The following UTS2B variants were observed in gnomAD, a reference collection of about 807,000 sequenced individuals.
UTS2B encodes the protein urotensin-2B.
Under a neutral mutation model 19.2 loss-of-function variants are expected in UTS2B, and 21 were observed. The ratio of observed to expected loss-of-function variants is 1.09; its 90% CI spans 0.78 to 1.58. The LOEUF (loss-of-function observed/expected upper bound fraction) is 1.58. Ranked by LOEUF, UTS2B falls within the 40% of genes most tolerant of loss-of-function variation. The pLI, the probability that UTS2B is intolerant of heterozygous loss-of-function variation, is 0.00. For synonymous variants in UTS2B, 57 were observed against 50.2 expected (o/e 1.14, Z -0.58); for missense variants, 138 against 130.3 (o/e 1.06, Z -0.29).
At chr3:191,314,021 G>T (rs544044816) in intron 3 of UTS2B, among the ~76,000 whole-genome samples, 2 of 152,002 alleles carry the variant, frequency 1.3e-5, no homozygotes, top group African/African-American at 4.8e-5. Flanking sequence ...ATGAGCCACC[G>T]CACCAGGCCC....
upstream of UTS2B, among the ~76,000 whole-genome samples, chr3:191,334,485 A>G (rs1290745525): frequency 1.3e-5 from 2 of 152,154 alleles, no homozygotes; most frequent in East Asian, 3.9e-4. Context: ...GAAAGCACTA[A>G]AAACCACTGT....
chr3:191,309,738 C>G (rs116738417), intron 3 of UTS2B, among the ~76,000 whole-genome samples: 236 of 152,146 alleles, frequency 1.6e-3, no homozygotes, highest in Non-Finnish European at 2.4e-3. Flanking sequence ...AATACGAAAG[C>G]ATGTAGCACC....
intron 4 of UTS2B, among the ~76,000 whole-genome samples, chr3:191,287,797 A>G (rs1716597957): frequency 6.6e-6 from 1 of 152,090 alleles, no homozygotes; most frequent in South Asian, 2.1e-4. Flanking sequence ...TATCCAGAAC[A>G]ATTAGAAAAA....
intron 7 of UTS2B, among the ~76,000 whole-genome samples, chr3:191,276,294 T>A (rs1716233728): frequency 6.6e-6 from 1 of 152,160 alleles, no homozygotes; most frequent in South Asian, 2.1e-4. Flanking sequence ...GTTTGCAGAA[T>A]AATGGAATTG....
intron 5 of UTS2B, 116 bp from the exon 6 acceptor site, chr3:191,278,286 G>T: frequency 1.8e-6 from 1 of 568,776 alleles, no homozygotes. Context: ...AATGTAGAGA[G>T]AGTGTATAGT....
chr3:191,321,570 G>A (rs1264631786), intron 2 of UTS2B, among the ~76,000 whole-genome samples: 1 of 152,148 alleles, frequency 6.6e-6, no homozygotes, highest in African/African-American at 2.4e-5. Context: ...TAATGTCTGT[G>A]TTTGCACAAA....
At chr3:191,312,869 T>C (rs1717340996) in intron 3 of UTS2B, among the ~76,000 whole-genome samples, 1 of 152,140 alleles carries the variant, frequency 6.6e-6, no homozygotes, top group African/African-American at 2.4e-5. Flanking sequence ...CTGGGAGTTG[T>C]GAGGGCAGCT....
At chr3:191,316,862 T>A (rs75189033) in intron 2 of UTS2B, among the ~76,000 whole-genome samples, 42,283 of 152,026 alleles carry the variant, frequency 0.28, 6,055 homozygotes, top group African/African-American at 0.32. Context: ...AGCTAGACAC[T>A]GAGTGCTGAT....
rs76051020 is a variant in UTS2B at position 191,290,800 on chromosome 3, A to G, written c.-124-8487T>C. Among the ~76,000 whole-genome samples, 351 of 152,348 alleles carry G rather than the reference A, an allele frequency of 2.3e-3. 4 individuals carry two copies. The highest frequency in any genetic ancestry group is 8.0e-3 in the African/African-American group (334 of 41,584). ...TAGCTTTAAGATTCACTTGCATCTG[A>G]CTATTTCTCACGATGAGTGACAAGA... On this transcript the variant is annotated intron_variant, in intron 4 of 8. Transcript: ENST00000340524.
intron 2 of UTS2B, among the ~76,000 whole-genome samples, chr3:191,318,693 A>G (rs534875831): frequency 6.6e-6 from 1 of 152,090 alleles, no homozygotes; most frequent in East Asian, 1.9e-4. Context: ...CTGGTCTGGA[A>G]CTCCTGAGTT....
upstream of UTS2B, among the ~76,000 whole-genome samples, chr3:191,332,574 G>A (rs895561883): frequency 1.3e-5 from 2 of 152,160 alleles, no homozygotes; most frequent in Non-Finnish European, 1.5e-5. Flanking sequence ...ACTTCAGTAG[G>A]TCTATAACTG....
intron 3 of UTS2B, 25 bp from the exon 4 acceptor site, chr3:191,304,573 G>A (rs1717087844): frequency 6.6e-6 from 1 of 152,156 alleles, no homozygotes; most frequent in Non-Finnish European, 1.5e-5. Context: ...TTTATACAAT[G>A]TGAATATAAT....
intron 4 of UTS2B, among the ~76,000 whole-genome samples, chr3:191,300,132 C>A (rs369443337): frequency 6.6e-6 from 1 of 152,128 alleles, no homozygotes; most frequent in South Asian, 2.1e-4. Context: ...CACGCTGCAA[C>A]CACTGCCTCC....
intron 8 of UTS2B, among the ~76,000 whole-genome samples, chr3:191,270,065 A>G (rs1716045071): frequency 6.6e-6 from 1 of 152,248 alleles, no homozygotes; most frequent in South Asian, 2.1e-4. Context: ...ACAATATATT[A>G]AAAGATTAAA....
intron 2 of UTS2B, among the ~76,000 whole-genome samples, chr3:191,321,049 A>G (rs1280781876): frequency 1.3e-5 from 2 of 152,264 alleles, no homozygotes; most frequent in Admixed American, 1.3e-4. Context: ...TTATTCCTCA[A>G]TAAATCCTCC....
intron 4 of UTS2B, among the ~76,000 whole-genome samples, chr3:191,286,443 C>T (rs1716546033): frequency 6.6e-6 from 1 of 152,012 alleles, no homozygotes; most frequent in South Asian, 2.1e-4. Context: ...AATGGTATGA[C>T]ACTAGAAATC....
At chr3:191,271,227 GA>G (rs1009435522) in intron 8 of UTS2B, among the ~76,000 whole-genome samples, 1 of 111,044 alleles carries the variant, frequency 9.0e-6, no homozygotes, top group African/African-American at 3.9e-5. Flanking sequence ...AAAAAAAAAA[GA>G]GGTATCAAAG....
intron 8 of UTS2B, among the ~76,000 whole-genome samples, chr3:191,271,333 A>G (rs1284184258): frequency 6.6e-6 from 1 of 151,788 alleles, no homozygotes; most frequent in Non-Finnish European, 1.5e-5. Flanking sequence ...ACGTAGTTAC[A>G]TTTCTTCCCT....
intron 5 of UTS2B, among the ~76,000 whole-genome samples, chr3:191,278,798 G>T (rs530900655): frequency 6.6e-6 from 1 of 152,018 alleles, no homozygotes; most frequent in African/African-American, 2.4e-5. Flanking sequence ...TGAGACAAGA[G>T]ACTTCTAGCA....
Sources: allele counts gnomAD v4.1 joint callset (sites outside exome capture counted in the v4.1 genomes callset), GRCh38; gene constraint gnomAD v4.1.1; transcripts MANE v1.5; gene names NCBI Gene and HGNC (gene_info 2026-07-23, HGNC 2026-07-21).